Variants in LGI2 observed in about 807,000 individuals in gnomAD.
LGI2 encodes leucine-rich repeat LGI family member 2.
In LGI2, 30 loss-of-function variants were observed where a neutral mutation model predicts 52.0. The ratio of observed to expected loss-of-function variants is 0.58; its 90% CI spans 0.43 to 0.78. The LOEUF (loss-of-function observed/expected upper bound fraction) is 0.78. Among genes scored for constraint, LGI2 ranks in the 30% least tolerant of loss-of-function variants. The pLI is 0.00. For synonymous variants in LGI2, 270 were observed against 271.8 expected (o/e 0.99, Z 0.06); for missense variants, 573 against 692.5 (o/e 0.83, Z 1.94).
At position 25,001,124 on chromosome 4, in the gene LGI2, C is replaced by G. The variant is rs904993191; in HGVS notation, c.*2327G>C. On this transcript the variant is annotated 3_prime_UTR_variant, in exon 8 of 8. Transcript: ENST00000382114. The stretch of plus-strand genomic sequence containing the variant: ...CCTGTTTAGATCGTTCTTTCACCTC[C>G]TAATTCCCCATCTGGACTCAACAGC... 1 of 152,236 alleles carries G rather than the reference C, an allele frequency of 6.6e-6. No individual in the cohort carries two copies. The highest frequency in any genetic ancestry group is 2.4e-5 in the African/African-American group (1 of 41,448). The allele number at this position is 152,236 out of a possible 1,614,324, so 9.4% of individuals were successfully genotyped here.
Position 25,003,429 on chromosome 4 carries a change from C to T in LGI2, c.*22G>A. On this transcript the variant is annotated 3_prime_UTR_variant, in exon 8 of 8. Coordinates refer to ENST00000382114, the MANE Select transcript of LGI2 (RefSeq NM_018176.4). ...TTGTGAGAGCTAATGCTACATTTCT[C>T]TTAGTTTCACCCACCACACCTTCAC... The T allele has an allele frequency of 6.7e-7, 1 of 1,497,196 alleles. No individual in the cohort carries two copies. The allele number at this position is 1,497,196 out of a possible 1,614,324, so 92.7% of individuals were successfully genotyped here.
rs1725284030 is a variant in LGI2 at position 25,002,736 on chromosome 4, G to GT, written c.*714dup. 1 of 152,746 alleles carries GT rather than the reference G, an allele frequency of 6.5e-6. No individual in the cohort carries two copies. The highest frequency in any genetic ancestry group is 2.4e-5 in the African/African-American group (1 of 41,470). The allele number at this position is 152,746 out of a possible 1,614,324, so 9.5% of individuals were successfully genotyped here. The stretch of plus-strand genomic sequence containing the variant: ...CCACCACCAGGGTCACCTTTGAACC[G>GT]TAAGAAAGAGGGAAAAACTCCTTTG... On this transcript the variant is annotated 3_prime_UTR_variant, in exon 8 of 8. Coordinates refer to ENST00000382114, the MANE Select transcript of LGI2 (RefSeq NM_018176.4).
intron 1 of LGI2, among the ~76,000 whole-genome samples, chr4:25,029,587 C>A (rs1380052634): frequency 1.3e-5 from 2 of 152,236 alleles, no homozygotes; most frequent in African/African-American, 4.8e-5. Flanking sequence ...AAAGATACAG[C>A]CCAACAGCCC....
At position 25,012,354 on chromosome 4, in the gene LGI2, C is replaced by T. The variant is rs113076527; in HGVS notation, c.801G>A (p.Arg267=). Residue 267 remains arginine, a synonymous_variant, in exon 7 of 8, where the codon CGG becomes CGA. Coordinates refer to ENST00000382114, the MANE Select transcript of LGI2 (RefSeq NM_018176.4). ...LEWDHIEMNF[R]SYDNITGQSI... ...ACACACCTGTAATGTTGTCATAGCT[C>T]CGGAAATTCATTTCAATGTGGTCCC... The T allele has an allele frequency of 1.9e-6, 3 of 1,614,222 alleles. No individual in the cohort carries two copies. The highest frequency in any genetic ancestry group is 2.7e-5 in the African/African-American group (2 of 75,062).
chr4:25,025,927 G>A, intron 3 of LGI2, among the ~76,000 whole-genome samples: 1 of 152,196 alleles, frequency 6.6e-6, no homozygotes, highest in Admixed American at 6.5e-5. Context: ...CTATGTATGT[G>A]CTTTGATAGA....
intron 7 of LGI2, among the ~76,000 whole-genome samples, chr4:25,008,979 T>C (rs1725482030): frequency 6.6e-6 from 1 of 152,210 alleles, no homozygotes; most frequent in Non-Finnish European, 1.5e-5. Context: ...CTCGCTTGCC[T>C]GGGTTCCGGA....
In LGI2 at chr4:25,002,981, G is replaced by A. The variant is rs1725289203; in HGVS notation, c.*470C>T. On this transcript the variant is annotated 3_prime_UTR_variant, in exon 8 of 8. Transcript: ENST00000382114. ...TGGGATGACTCAAAATAGCACTGCTGAGTGTTACAAGATTTTTAAACTAAT... is the reference window on the plus strand; with the variant it reads ...TGGGATGACTCAAAATAGCACTGCTAAGTGTTACAAGATTTTTAAACTAAT... 1 of 153,008 alleles carries A rather than the reference G, an allele frequency of 6.5e-6. No individual in the cohort carries two copies. The highest frequency in any genetic ancestry group is 1.5e-5 in the Non-Finnish European group (1 of 68,646). The allele number at this position is 153,008 out of a possible 1,614,324, so 9.5% of individuals were successfully genotyped here.
Position 25,030,648 on chromosome 4 carries a change from GC to G in LGI2, c.45del (p.Leu16CysfsTer8). ...RGGCGALGLL[L>X]LLLGAACLIP... ...ATCAGGCACGCGGCGCCCAGCAGCAGCAGCAGCAGCCCGAGCGCTCCGCAGC... is the reference window on the plus strand; with the variant it reads ...ATCAGGCACGCGGCGCCCAGCAGCAGAGCAGCAGCCCGAGCGCTCCGCAGC... On this transcript the variant is annotated frameshift_variant, in exon 1 of 8. Coordinates refer to ENST00000382114, the MANE Select transcript of LGI2 (RefSeq NM_018176.4). LOFTEE classifies it high-confidence loss of function. 1 of 1,539,658 alleles carries G rather than the reference GC, an allele frequency of 6.5e-7. No individual in the cohort carries two copies. The highest frequency in any genetic ancestry group is 8.7e-7 in the Non-Finnish European group (1 of 1,143,866).
At position 25,022,553 on chromosome 4, in the gene LGI2, C is replaced by G. The variant is rs1726006322; in HGVS notation, c.413+2267G>C. On this transcript the variant is annotated intron_variant, in intron 4 of 7. Transcript: ENST00000382114. The stretch of plus-strand genomic sequence containing the variant: ...AAGTGCAGGCAGGACTCCCTCGCTC[C>G]CTCTGTGTTTGTGTTCTCTGTGCAT... 1.3e-5 allele frequency among the ~76,000 whole-genome samples: 2 copies of G among 152,138 alleles called. 1 individual carries two copies. The highest frequency in any genetic ancestry group is 1.3e-4 in the Admixed American group (2 of 15,276).
chr4:25,028,560 C>A lies in LGI2; in HGVS notation c.216G>T (p.Thr72=), dbSNP rs369542152. 1 of 1,613,216 alleles carries A rather than the reference C, an allele frequency of 6.2e-7. No individual in the cohort carries two copies. Among genetic ancestry groups the A allele is most frequent in the Non-Finnish European group, 8.5e-7 (1 of 1,179,708 alleles). Residue 72 remains threonine, a synonymous_variant, in exon 2 of 8, where the codon ACG becomes ACT. Coordinates refer to ENST00000382114, the MANE Select transcript of LGI2 (RefSeq NM_018176.4). ...DISSLSLVNG[T]FSEIKDRMFS... ...ACATTCGGTCCTTGATTTCTGAAAACGTCCCATTTACCAGGCTCCTACGGG... is the reference window on the plus strand; with the variant it reads ...ACATTCGGTCCTTGATTTCTGAAAAAGTCCCATTTACCAGGCTCCTACGGG...
At chr4:24,992,262 A>C in the LGI2 span, among the ~76,000 whole-genome samples, 11 of 152,124 alleles carry the variant, frequency 7.2e-5, no homozygotes, top group Non-Finnish European at 1.6e-4. Context: ...GCTCCAAAGG[A>C]TTTCAAGCCC....
chr4:25,020,921 T>G (rs113228760), intron 4 of LGI2, among the ~76,000 whole-genome samples: 2,047 of 152,334 alleles, frequency 0.013, 40 homozygotes, highest in African/African-American at 0.045. Context: ...AAAGCTACTC[T>G]GAAAGAGATT....
chr4:24,994,841 A>G (rs75809026), downstream of LGI2, among the ~76,000 whole-genome samples: 565 of 152,292 alleles, frequency 3.7e-3, 3 homozygotes, highest in African/African-American at 0.012. Context: ...TCTCTGAGAT[A>G]TCATGGATAG....
Position 25,018,091 on chromosome 4 carries a change from T to C in LGI2, c.553A>G (p.Thr185Ala). The change falls in exon 6 of 8, where the codon ACA becomes GCA. Residue 185 changes from threonine to alanine, a missense_variant. By Grantham distance (58) the Thr-to-Ala change is moderately conservative. Coordinates refer to ENST00000382114, the MANE Select transcript of LGI2 (RefSeq NM_018176.4). ...AGCACATCAGAAACGGTGGAATTTG[T>C]CATCTTCAACCACAGGTATAGCCAC... ...AKWLYLWLKM[T>A]NSTVSDVLCI... The C allele has an allele frequency of 6.2e-7, 1 of 1,613,810 alleles. No homozygotes were observed. The highest frequency in any genetic ancestry group is 8.5e-7 in the Non-Finnish European group (1 of 1,179,940).
chr4:25,008,553 CAA>C (rs33920247), intron 7 of LGI2, among the ~76,000 whole-genome samples: 13,784 of 85,416 alleles, frequency 0.16, 657 homozygotes, highest in African/African-American at 0.31. Context: ...GACTCTGTCT[CAA>C]AAAAAAAAAA....
At chr4:25,021,120 AGC>A (rs1725944651) in intron 4 of LGI2, among the ~76,000 whole-genome samples, 3 of 151,894 alleles carry the variant, frequency 2.0e-5, no homozygotes, top group African/African-American at 7.3e-5. Context: ...AAAAAAAAAA[AGC>A]AGAGAGTTTA....
At position 25,012,372 on chromosome 4, in the gene LGI2, G is replaced by A. The variant is rs1311231037; in HGVS notation, c.783C>T (p.His261=). The A allele has an allele frequency of 5.6e-6, 9 of 1,614,102 alleles. No homozygotes were observed. In the African/African-American group the frequency reaches 1.1e-4, roughly 19 times the overall value. The change falls in exon 7 of 8, where the codon CAC becomes CAT. Residue 261 remains histidine (H), a synonymous_variant. Transcript: ENST00000382114. The part of the protein sequence containing the change: ...MENCMVLEWD[H]IEMNFRSYDN... ...CATAGCTCCGGAAATTCATTTCAAT[G>A]TGGTCCCACTCCAGCACCATGCAGT...
chr4:25,026,465 G>T (rs1366936614), intron 3 of LGI2, among the ~76,000 whole-genome samples: 3 of 152,082 alleles, frequency 2.0e-5, no homozygotes, highest in Non-Finnish European at 4.4e-5. Context: ...ACATGAAGTT[G>T]TACCCCCCAA....
In LGI2 at chr4:25,003,778, G is replaced by C; in HGVS notation, c.1311C>G (p.Thr437=). The part of the protein sequence containing the change: ...RMQNTLYLSL[T]RFIGDSRVMR... Reference sequence around the variant, plus strand: ...TGACCCGGGAGTCCCCGATGAAGCGGGTAAGGGAAAGGTAGAGGGTATTTT... The same window carrying C: ...TGACCCGGGAGTCCCCGATGAAGCGCGTAAGGGAAAGGTAGAGGGTATTTT... Residue 437 remains threonine (T), a synonymous_variant, in exon 8 of 8, where the codon ACC becomes ACG. Transcript: ENST00000382114. 1 of 1,614,180 alleles carries C rather than the reference G, an allele frequency of 6.2e-7. No individual in the cohort carries two copies. Among genetic ancestry groups the C allele is most frequent in the Non-Finnish European group, 8.5e-7 (1 of 1,180,042 alleles).
Sources: allele counts gnomAD v4.1 joint callset (sites outside exome capture counted in the v4.1 genomes callset), GRCh38; gene constraint gnomAD v4.1.1; transcripts MANE v1.5; gene names NCBI Gene and HGNC (gene_info 2026-07-23, HGNC 2026-07-21).